The following SHISA9 variants were observed in gnomAD, a reference collection of about 807,000 sequenced individuals.
SHISA9 encodes the protein protein shisa-9.
In SHISA9, 13 loss-of-function variants were observed where a neutral mutation model predicts 38.0. The observed-to-expected ratio is 0.34, with a 90% CI of 0.22 to 0.54. The LOEUF (loss-of-function observed/expected upper bound fraction) is 0.54. Ranked by LOEUF, SHISA9 falls within the 20% of genes least tolerant of loss-of-function variation. The pLI is 0.91. For missense variants in SHISA9, 538 were observed against 575.8 expected, an observed-to-expected ratio of 0.93 and a Z score of 0.67; for synonymous variants, 275 against 242.0, an observed-to-expected ratio of 1.14 and a Z score of -1.27.
chr16:12,952,175 C>T (rs1184504104), intron 2 of SHISA9, among the ~76,000 whole-genome samples: 2 of 152,152 alleles, frequency 1.3e-5, no homozygotes, highest in Non-Finnish European at 2.9e-5. Flanking sequence ...AATACAAAAT[C>T]CTGGGGAAAC....
At chr16:13,074,223 G>A (rs2141926913) in intron 2 of SHISA9, among the ~76,000 whole-genome samples, 1 of 152,160 alleles carries the variant, frequency 6.6e-6, no homozygotes, top group African/African-American at 2.4e-5. Context: ...ACCCCCCTCG[G>A]CCTCCCAAAG....
chr16:13,196,450 C>T (rs1000859386), intron 2 of SHISA9, among the ~76,000 whole-genome samples: 1 of 151,872 alleles, frequency 6.6e-6, no homozygotes, highest in Non-Finnish European at 1.5e-5. Flanking sequence ...ATATCTGACC[C>T]TGTACCCCTC....
At chr16:13,151,468 T>C (rs1246606620) in intron 2 of SHISA9, among the ~76,000 whole-genome samples, 1 of 152,196 alleles carries the variant, frequency 6.6e-6, no homozygotes, top group Non-Finnish European at 1.5e-5. Flanking sequence ...CAGCTCACCT[T>C]CTTCTTATGG....
chr16:13,394,783 TG>T, the SHISA9 span, among the ~76,000 whole-genome samples: 2 of 152,224 alleles, frequency 1.3e-5, no homozygotes, highest in East Asian at 3.9e-4. Flanking sequence ...ATTTAATTGC[TG>T]TAGAAGAATC....
In SHISA9 at chr16:13,122,513, C is replaced by G. The variant is rs550791732; in HGVS notation, c.692-80881C>G. 2.0e-3 allele frequency among the ~76,000 whole-genome samples: 307 copies of G among 152,246 alleles called. 1 individual carries two copies. Among genetic ancestry groups the G allele is most frequent in the Non-Finnish European group, 3.5e-3 (238 of 68,026 alleles). On this transcript the variant is annotated intron_variant, in intron 2 of 4. Transcript: ENST00000558583. ...AGATGTTTGCATATTTTCTCGAGAA[C>G]AGGTTGCAAAAGAAATAGGTAGAGT...
At chr16:12,974,604 G>C (rs1031876211) in intron 2 of SHISA9, among the ~76,000 whole-genome samples, 45 of 147,640 alleles carry the variant, frequency 3.0e-4, no homozygotes, top group Admixed American at 2.5e-3. Flanking sequence ...TCCTGCCTCA[G>C]CCTCCTGAGT....
the SHISA9 span, among the ~76,000 whole-genome samples, chr16:13,478,582 C>T: frequency 6.6e-6 from 1 of 152,212 alleles, no homozygotes; most frequent in Non-Finnish European, 1.5e-5. Flanking sequence ...CCTGGAAGGT[C>T]TGTTCCACTC....
chr16:12,995,121 A>G (rs563532807), intron 2 of SHISA9, among the ~76,000 whole-genome samples: 44 of 152,064 alleles, frequency 2.9e-4, no homozygotes, highest in African/African-American at 1.0e-3. Flanking sequence ...AGGTGTCTAT[A>G]TTTATGGGGT....
intron 4 of SHISA9, among the ~76,000 whole-genome samples, chr16:13,217,114 A>AG (rs202126771): frequency 0.14 from 18,985 of 135,780 alleles, 1,478 homozygotes; most frequent in East Asian, 0.29. Flanking sequence ...TACTAAAAAT[A>AG]CAAAAAAAAA....
intron 1 of SHISA9, among the ~76,000 whole-genome samples, chr16:12,915,624 C>G (rs2071243502): frequency 6.6e-6 from 1 of 152,084 alleles, no homozygotes; most frequent in South Asian, 2.1e-4. Flanking sequence ...AGTTCCTCCA[C>G]CATACTAATT....
chr16:13,252,300 C>T, the SHISA9 span, among the ~76,000 whole-genome samples: 3 of 152,158 alleles, frequency 2.0e-5, no homozygotes, highest in Non-Finnish European at 4.4e-5. Flanking sequence ...TGTCGTATCC[C>T]TCCTCCAGGG....
At chr16:13,416,282 T>A in the SHISA9 span, among the ~76,000 whole-genome samples, 1 of 151,930 alleles carries the variant, frequency 6.6e-6, no homozygotes, top group Non-Finnish European at 1.5e-5. Flanking sequence ...CAGTAATTAA[T>A]TTAATTCCTT....
chr16:13,087,013 T>C (rs970288931), intron 2 of SHISA9, among the ~76,000 whole-genome samples: 1 of 142,238 alleles, frequency 7.0e-6, no homozygotes, highest in African/African-American at 2.6e-5. Flanking sequence ...CCGCCCTGTG[T>C]CCAAGTGATC....
the SHISA9 span, among the ~76,000 whole-genome samples, chr16:13,325,419 C>G: frequency 2.6e-5 from 4 of 152,158 alleles, no homozygotes; most frequent in Non-Finnish European, 5.9e-5. Flanking sequence ...TCTAACCCCA[C>G]CTTCCCATCA....
chr16:13,102,278 T>C (rs893697901), intron 2 of SHISA9, among the ~76,000 whole-genome samples: 1 of 152,210 alleles, frequency 6.6e-6, no homozygotes, highest in Non-Finnish European at 1.5e-5. Flanking sequence ...CACCTAGCAC[T>C]GTGCACCAGC....
chr16:13,395,703 C>A, the SHISA9 span, among the ~76,000 whole-genome samples: 2 of 152,194 alleles, frequency 1.3e-5, no homozygotes, highest in Non-Finnish European at 2.9e-5. Context: ...TATTGTTGTG[C>A]CTCCAGAACC....
the SHISA9 span, among the ~76,000 whole-genome samples, chr16:13,363,336 G>C: frequency 2.6e-5 from 4 of 152,148 alleles, no homozygotes; most frequent in East Asian, 7.7e-4. Flanking sequence ...AGTCTCCTTC[G>C]TTTGCCGTTT....
chr16:12,920,183 AG>A (rs1260621236), intron 2 of SHISA9, among the ~76,000 whole-genome samples: 1 of 130,878 alleles, frequency 7.6e-6, no homozygotes, highest in Non-Finnish European at 1.7e-5. Context: ...GGGTACGGGG[AG>A]GGGGGAGGGA....
chr16:13,235,315 C>G lies in SHISA9; in HGVS notation c.1181C>G (p.Thr394Arg). ...SNKGKLGTAETGSSDPLGTRP... is the reference protein window; with the variant it reads ...SNKGKLGTAERGSSDPLGTRP... ...AAGGGCAAGCTTGGCACGGCCGAGACAGGCTCCAGCGACCCCTTGGGAACT... is the reference window on the plus strand; with the variant it reads ...AAGGGCAAGCTTGGCACGGCCGAGAGAGGCTCCAGCGACCCCTTGGGAACT... Residue 394 changes from threonine (T) to arginine (R), a missense_variant, in exon 5 of 5, where the codon ACA (threonine) becomes AGA (arginine). By Grantham distance (71) the Thr-to-Arg change is moderately conservative. Around this residue, in one of 4 missense-constraint regions of SHISA9, gnomAD observed 326 missense variants for 305.9 expected, o/e 1.07. Coordinates refer to ENST00000558583, the MANE Select transcript of SHISA9 (RefSeq NM_001145204.3). 1 of 1,549,608 alleles carries G rather than the reference C, an allele frequency of 6.5e-7. No individual in the cohort carries two copies. The highest frequency in any genetic ancestry group is 8.7e-7 in the Non-Finnish European group (1 of 1,147,014).
Sources: allele counts gnomAD v4.1 joint callset (sites outside exome capture counted in the v4.1 genomes callset), GRCh38; gene constraint gnomAD v4.1.1; regional missense constraint gnomAD v4.1.1; transcripts MANE v1.5; gene names NCBI Gene and HGNC (gene_info 2026-07-23, HGNC 2026-07-21).